The following NLGN1 variants were observed in gnomAD, a reference collection of about 807,000 sequenced individuals.
NLGN1 encodes neuroligin-1.
A neutral mutation model predicts 65.5 loss-of-function variants in NLGN1; 12 were observed. That is an observed-to-expected ratio of 0.18 (90% CI 0.12 to 0.30). The LOEUF (loss-of-function observed/expected upper bound fraction) is 0.30. Among genes scored for constraint, NLGN1 ranks in the 10% least tolerant of loss-of-function variants. The pLI, the probability that NLGN1 is intolerant of heterozygous loss-of-function variation, is 1.00. For synonymous variants in NLGN1, 350 were observed against 359.5 expected, an observed-to-expected ratio of 0.97 and a Z score of 0.30; for missense variants, 750 against 1,007.1, an observed-to-expected ratio of 0.74 and a Z score of 3.46.
intron 4 of NLGN1, among the ~76,000 whole-genome samples, chr3:174,069,249 G>C (rs1298184641): frequency 6.6e-6 from 1 of 152,176 alleles, no homozygotes; most frequent in Non-Finnish European, 1.5e-5. Flanking sequence ...GTGAGGTAAA[G>C]TGCATAAGAG....
intron 4 of NLGN1, among the ~76,000 whole-genome samples, chr3:174,030,773 A>G (rs939625651): frequency 1.3e-5 from 2 of 152,198 alleles, no homozygotes; most frequent in Non-Finnish European, 2.9e-5. Flanking sequence ...ACTAAATAAT[A>G]CCAAGGAAAC....
Position 173,802,900 on chromosome 3 carries a change from C to T in NLGN1, c.494-4780C>T, listed in dbSNP as rs1560402027. On this transcript the variant is annotated intron_variant, in intron 3 of 6. Coordinates refer to ENST00000457714, the Ensembl canonical transcript of NLGN1. Reference sequence around the variant, plus strand: ...TGTCATGGAGACTGGAGGGCAGTGGCGTGATCTTGGCTCACTGCAACCTCC... The same window carrying T: ...TGTCATGGAGACTGGAGGGCAGTGGTGTGATCTTGGCTCACTGCAACCTCC... 2.7e-5 allele frequency among the ~76,000 whole-genome samples: 4 copies of T among 150,668 alleles called. No homozygotes were observed. In the South Asian group the frequency reaches 6.3e-4, roughly 24 times the overall value.
In NLGN1 at chr3:173,652,404, T is replaced by C. The variant is rs189678083; in HGVS notation, c.493+47313T>C. ...CTATCATTTTGATAGTTTCGGGTCT[T>C]ACATTTAAGTCTTTATTCCATCTTG... On this transcript the variant is annotated intron_variant, in intron 3 of 6. Coordinates refer to ENST00000457714, the Ensembl canonical transcript of NLGN1. Among the ~76,000 whole-genome samples the C allele has an allele frequency of 1.4e-4, 22 of 152,316 alleles. No individual in the cohort carries two copies. The East Asian group carries it at 4.2e-3, about 29-fold the overall frequency.
intron 3 of NLGN1, among the ~76,000 whole-genome samples, chr3:173,687,833 C>T (rs971920781): frequency 2.0e-5 from 3 of 152,120 alleles, no homozygotes; most frequent in Non-Finnish European, 2.9e-5. Context: ...GAAAGAGCCT[C>T]CCAAATTAAA....
At chr3:173,685,393 C>T (rs1057401687) in intron 3 of NLGN1, among the ~76,000 whole-genome samples, 4 of 152,118 alleles carry the variant, frequency 2.6e-5, no homozygotes, top group African/African-American at 9.7e-5. Context: ...AAATTAAGAG[C>T]TAAACGTGTT....
chr3:173,998,092 G>A (rs941135588), intron 4 of NLGN1, among the ~76,000 whole-genome samples: 1 of 152,088 alleles, frequency 6.6e-6, no homozygotes, highest in Non-Finnish European at 1.5e-5. Context: ...AGGCCCTCTT[G>A]TTCTTACTGT....
At chr3:173,821,462 A>C (rs370067796) in intron 4 of NLGN1, among the ~76,000 whole-genome samples, 4 of 152,296 alleles carry the variant, frequency 2.6e-5, no homozygotes, top group African/African-American at 7.2e-5. Flanking sequence ...TTTGTATGAA[A>C]ATAAGCTTTA....
At chr3:174,043,600 A>G (rs938070648) in intron 4 of NLGN1, among the ~76,000 whole-genome samples, 1 of 152,216 alleles carries the variant, frequency 6.6e-6, no homozygotes, top group Non-Finnish European at 1.5e-5. Context: ...TCCATGTCTC[A>G]CATCCAGGTC....
At chr3:173,651,495 A>G (rs1217412770) in intron 3 of NLGN1, among the ~76,000 whole-genome samples, 2 of 152,034 alleles carry the variant, frequency 1.3e-5, no homozygotes, top group East Asian at 3.9e-4. Context: ...GGATTGCTGG[A>G]TTGAATGGTA....
chr3:173,907,621 G>A (rs928124854), intron 4 of NLGN1, among the ~76,000 whole-genome samples: 2 of 122,518 alleles, frequency 1.6e-5, no homozygotes, highest in African/African-American at 3.2e-5. Flanking sequence ...GTGTTGCTCT[G>A]TCGCCCAGTC....
chr3:174,218,705 G>T (rs910667361), intron 4 of NLGN1, among the ~76,000 whole-genome samples: 4 of 152,056 alleles, frequency 2.6e-5, no homozygotes, highest in Non-Finnish European at 5.9e-5. Context: ...GGCCTTGTTT[G>T]TTGAGCCGAA....
intron 3 of NLGN1, among the ~76,000 whole-genome samples, chr3:173,637,604 G>A (rs1051124122): frequency 1.3e-5 from 2 of 152,044 alleles, no homozygotes; most frequent in Non-Finnish European, 2.9e-5. Flanking sequence ...GCTTCCACAG[G>A]CATTATTTTA....
intron 2 of NLGN1, among the ~76,000 whole-genome samples, chr3:173,602,378 G>A (rs1750683835): frequency 6.6e-6 from 1 of 151,670 alleles, no homozygotes; most frequent in Non-Finnish European, 1.5e-5. Context: ...AATTTTGGGG[G>A]GTCAATACTA....
Position 173,777,989 on chromosome 3 carries a change from G to T in NLGN1, c.494-29691G>T, listed in dbSNP as rs142578095. Among the ~76,000 whole-genome samples, 171 of 151,696 alleles carry T rather than the reference G, an allele frequency of 1.1e-3. 3 individuals carry two copies. The highest frequency in any genetic ancestry group is 8.5e-3 in the Admixed American group (130 of 15,220). ...CACTATATAAATGTGATTCACTTTT[G>T]TTGTAGTATATTCCTTAAGTACTAT... On this transcript the variant is annotated intron_variant, in intron 3 of 6. Transcript: ENST00000457714.
chr3:174,052,044 C>A (rs1213008416), intron 4 of NLGN1, among the ~76,000 whole-genome samples: 5 of 152,004 alleles, frequency 3.3e-5, no homozygotes, highest in Non-Finnish European at 7.4e-5. Context: ...ACACTTAGTT[C>A]AAGGCTCACA....
chr3:174,086,452 A>T (rs946887948), intron 4 of NLGN1, among the ~76,000 whole-genome samples: 3 of 151,344 alleles, frequency 2.0e-5, no homozygotes, highest in Non-Finnish European at 4.4e-5. Context: ...CCTTTAGGAA[A>T]GAAATCACAT....
intron 3 of NLGN1, among the ~76,000 whole-genome samples, chr3:173,624,827 C>A (rs550037914): frequency 3.4e-5 from 4 of 117,918 alleles, no homozygotes; most frequent in Non-Finnish European, 7.4e-5. Flanking sequence ...AGGAAGATGA[C>A]GATTTATAAT....
chr3:173,853,234 A>G (rs1203271976), intron 4 of NLGN1, among the ~76,000 whole-genome samples: 3 of 152,230 alleles, frequency 2.0e-5, no homozygotes, highest in Non-Finnish European at 4.4e-5. Context: ...GTTGGCAGGT[A>G]GCAAACTACT....
chr3:173,624,866 C>G (rs1348169003), intron 3 of NLGN1, among the ~76,000 whole-genome samples: 2 of 147,206 alleles, frequency 1.4e-5, no homozygotes, highest in Non-Finnish European at 3.0e-5. Flanking sequence ...TTTATCCACT[C>G]TCTCTTTATT....
Sources: gnomAD v4.1 joint callset for allele counts (sites outside exome capture counted in the v4.1 genomes callset) on GRCh38, gnomAD v4.1.1 for gene constraint, MANE v1.5 for transcripts, NCBI Gene and HGNC (gene_info 2026-07-23, HGNC 2026-07-21) for gene names.